DNAJB14: variants seen among roughly 807,000 people sequenced by gnomAD.
DNAJB14 encodes the protein dnaJ homolog subfamily B member 14.
In DNAJB14, 22 loss-of-function variants were observed where a neutral mutation model predicts 48.4. The observed-to-expected ratio is 0.45, with a 90% CI of 0.32 to 0.65. The LOEUF (loss-of-function observed/expected upper bound fraction) is 0.65, where lower values mean the gene tolerates loss of function less well. DNAJB14 is among the 30% of genes least tolerant of loss of function. The pLI is 0.03. For missense variants in DNAJB14, 319 were observed against 458.8 expected (o/e 0.70, Z 2.78); for synonymous variants, 142 against 158.7 (o/e 0.89, Z 0.79).
rs1271478461 is a variant in DNAJB14 at position 99,946,609 on chromosome 4, TAAG to T, written c.-41_-39del. The stretch of plus-strand genomic sequence containing the variant: ...CTTCCGTTTCCTCCGGCAGCGCAGC[TAAG>T]AAGGGCGGAAGCCGCCGCCGCGGAG... On this transcript the variant is annotated 5_prime_UTR_variant, in exon 1 of 8. Transcript: ENST00000442697. The T allele has an allele frequency of 2.5e-6, 4 of 1,607,326 alleles. No homozygotes were observed. Among genetic ancestry groups the T allele is most frequent in the African/African-American group, 1.3e-5 (1 of 74,396 alleles).
At chr4:99,916,481 T>C (rs1430476454) in intron 3 of DNAJB14, among the ~76,000 whole-genome samples, 2 of 152,186 alleles carry the variant, frequency 1.3e-5, no homozygotes, top group African/African-American at 4.8e-5. Flanking sequence ...AGACTTTTAA[T>C]TGGCATAGAC....
chr4:99,898,579 GGGTGTA>G lies in DNAJB14; in HGVS notation c.*2443_*2448del. 1 of 151,874 alleles carries G rather than the reference GGGTGTA, an allele frequency of 6.6e-6. No homozygotes were observed. Among genetic ancestry groups the G allele is most frequent in the African/African-American group, 2.4e-5 (1 of 41,404 alleles). 9.4% of individuals were successfully genotyped at this position (151,874 alleles called of 1,614,324 possible). ...CAATAATGTTTGTGTGTATATGCAT[GGGTGTA>G]TTTGTGTTTACACAAAAAGGGGTAA... On this transcript the variant is annotated 3_prime_UTR_variant, in exon 8 of 8. Transcript: ENST00000442697.
chr4:99,935,033 AG>A (rs1463602657), intron 1 of DNAJB14, among the ~76,000 whole-genome samples: 1 of 151,852 alleles, frequency 6.6e-6, no homozygotes, highest in Non-Finnish European at 1.5e-5. Context: ...AAGAGAAAAC[AG>A]CAAATATTAA....
chr4:99,927,741 G>A (rs1726306983), intron 2 of DNAJB14: 1 of 152,160 alleles, frequency 6.6e-6, no homozygotes, highest in Admixed American at 6.6e-5. Context: ...CAGTATTATT[G>A]CAAGACTTCT....
chr4:99,941,010 T>G (rs1366980879), intron 1 of DNAJB14, among the ~76,000 whole-genome samples: 1 of 151,852 alleles, frequency 6.6e-6, no homozygotes, highest in Non-Finnish European at 1.5e-5. Context: ...AATATATTAA[T>G]ATAGAAGGCC....
At chr4:99,924,786 C>G (rs1263874923) in intron 2 of DNAJB14, 23 of 1,605,038 alleles carry the variant, frequency 1.4e-5, no homozygotes, top group Non-Finnish European at 2.0e-5. Context: ...GTCCACCATC[C>G]CATATCAATG....
chr4:99,920,652 T>C (rs1037885761), intron 3 of DNAJB14, among the ~76,000 whole-genome samples: 2 of 152,212 alleles, frequency 1.3e-5, no homozygotes, highest in African/African-American at 2.4e-5. Context: ...AATATTCCCC[T>C]CTTGGGAAAC....
At chr4:99,942,819 G>A (rs1479023548) in intron 1 of DNAJB14, among the ~76,000 whole-genome samples, 8 of 152,058 alleles carry the variant, frequency 5.3e-5, no homozygotes, top group Non-Finnish European at 8.8e-5. Context: ...AAGAATAATG[G>A]AAATCAAAAT....
At chr4:99,908,241 C>T (rs1431483589) in intron 4 of DNAJB14, among the ~76,000 whole-genome samples, 2 of 152,050 alleles carry the variant, frequency 1.3e-5, no homozygotes, top group Non-Finnish European at 2.9e-5. Flanking sequence ...TGTATATAAC[C>T]TATGAATCAG....
intron 5 of DNAJB14, 138 bp from the exon 6 acceptor site, chr4:99,905,844 C>G: frequency 8.0e-7 from 1 of 1,245,192 alleles, no homozygotes; most frequent in Non-Finnish European, 1.1e-6. Flanking sequence ...GTAACCATGC[C>G]AATAGGATGA....
intron 1 of DNAJB14, among the ~76,000 whole-genome samples, chr4:99,938,089 TAAAAATACAAAAAAAAAAAAA>T (rs1273461451): frequency 1.3e-4 from 3 of 23,892 alleles, no homozygotes; most frequent in Non-Finnish European, 2.5e-4. Flanking sequence ...GAAACCATGT[TAAAAATACAAAAAAAAAAAAA>T]AAAAAAAAAA....
intron 1 of DNAJB14, among the ~76,000 whole-genome samples, chr4:99,940,230 T>C (rs1726840568): frequency 6.6e-6 from 1 of 152,254 alleles, no homozygotes; most frequent in Non-Finnish European, 1.5e-5. Context: ...AAATAGATTT[T>C]TTCTTTTTCA....
chr4:99,896,986 T>G lies in DNAJB14; in HGVS notation c.*4042A>C, dbSNP rs904472506. The G allele has an allele frequency of 2.0e-5, 3 of 152,094 alleles. No individual in the cohort carries two copies. The highest frequency in any genetic ancestry group is 7.2e-5 in the African/African-American group (3 of 41,452). 9.4% of individuals were successfully genotyped at this position (152,094 alleles called of 1,614,324 possible). On this transcript the variant is annotated 3_prime_UTR_variant, in exon 8 of 8. Coordinates refer to ENST00000442697, the MANE Select transcript of DNAJB14 (RefSeq NM_001031723.4). ...ATGGCTGGATATAGAAAGATATAAT[T>G]ATGTTTGAAGCATGGGCCTTATAAT...
intron 3 of DNAJB14, among the ~76,000 whole-genome samples, chr4:99,914,765 G>C (rs751377398): frequency 2.0e-5 from 3 of 152,114 alleles, no homozygotes; most frequent in Non-Finnish European, 4.4e-5. Flanking sequence ...GTGATGATTT[G>C]TATTTTTCAA....
intron 7 of DNAJB14, among the ~76,000 whole-genome samples, chr4:99,901,661 T>C (rs1725299352): frequency 6.6e-6 from 1 of 152,164 alleles, no homozygotes; most frequent in Non-Finnish European, 1.5e-5. Context: ...ATGCTTGTTA[T>C]ACGATCGTAA....
chr4:99,922,392 A>G (rs996962113), intron 3 of DNAJB14: 1 of 152,186 alleles, frequency 6.6e-6, no homozygotes, highest in Non-Finnish European at 1.5e-5. Context: ...TTAACTATGA[A>G]TTAGAAATTA....
At chr4:99,943,406 T>C (rs1726949399) in intron 1 of DNAJB14, among the ~76,000 whole-genome samples, 1 of 152,218 alleles carries the variant, frequency 6.6e-6, no homozygotes, top group Non-Finnish European at 1.5e-5. Flanking sequence ...TCTTATAATA[T>C]CTTTTAGGAG....
intron 7 of DNAJB14, among the ~76,000 whole-genome samples, chr4:99,902,169 C>G (rs953364507): frequency 6.6e-6 from 1 of 152,100 alleles, no homozygotes; most frequent in Non-Finnish European, 1.5e-5. Flanking sequence ...AGTCTAGATT[C>G]CAGTCCAACT....
chr4:99,911,366 G>A (rs368415322), intron 3 of DNAJB14, among the ~76,000 whole-genome samples: 2 of 152,058 alleles, frequency 1.3e-5, no homozygotes, highest in African/African-American at 4.8e-5. Flanking sequence ...TCATGTACAG[G>A]ATTAGGTGTA....
Sources: gnomAD v4.1 joint callset for allele counts (sites outside exome capture counted in the v4.1 genomes callset) on GRCh38, gnomAD v4.1.1 for gene constraint, MANE v1.5 for transcripts, NCBI Gene and HGNC (gene_info 2026-07-23, HGNC 2026-07-21) for gene names.